The following STAU1 variants were observed in gnomAD, a reference collection of about 807,000 sequenced individuals.
STAU1 encodes staufen double-stranded RNA binding protein 1.
In STAU1, 13 loss-of-function variants were observed where a neutral mutation model predicts 62.9. The observed-to-expected ratio is 0.21, with a 90% CI of 0.13 to 0.33. The LOEUF is 0.33. Ranked by LOEUF, STAU1 falls within the 10% of genes least tolerant of loss-of-function variation. The pLI is 1.00. For missense variants in STAU1, 571 were observed against 712.1 expected, an observed-to-expected ratio of 0.80 and a Z score of 2.25; for synonymous variants, 269 against 265.1, an observed-to-expected ratio of 1.01 and a Z score of -0.14.
intron 3 of STAU1, among the ~76,000 whole-genome samples, chr20:49,157,547 T>C (rs945114155): frequency 1.3e-5 from 2 of 151,838 alleles, no homozygotes; most frequent in African/African-American, 4.8e-5. Flanking sequence ...TGGCATGATC[T>C]CAGCTCACTG....
At position 49,181,763 on chromosome 20, in the gene STAU1, C is replaced by CAAAAAAAAAAAAA. The variant is rs1309573018; in HGVS notation, c.-160+6352_-160+6353insTTTTTTTTTTTTT. The stretch of plus-strand genomic sequence containing the variant: ...CCTGGGCAACAGAGCAAGACTATCT[C>CAAAAAAAAAAAAA]AACAAAAAAAAAAAAAAAAAAAAAA... On this transcript the variant is annotated intron_variant, in intron 1 of 13. Coordinates refer to ENST00000371856, the MANE Select transcript of STAU1 (RefSeq NM_017453.4). Among the ~76,000 whole-genome samples the CAAAAAAAAAAAAA allele has an allele frequency of 7.5e-5, 5 of 66,708 alleles. 1 individual carries two copies. The highest frequency in any genetic ancestry group is 5.2e-4 in the East Asian group (1 of 1,908). 43.8% of individuals were successfully genotyped at this position (66,708 alleles called of 152,430 possible). A position where few individuals can be genotyped will look rare whatever the true frequency, so the allele number is the denominator to read the frequency against.
rs183949364 is a variant in STAU1, at chr20:49,144,647, C to T, written c.510+6935G>A. ...GAAAAATAGAAAAATTCTGGATTCT[C>T]ACCTGGGTTCAATGAAAGCAAAAAG... is the stretch of plus-strand genomic sequence containing the variant. On this transcript the variant is annotated intron_variant, in intron 5 of 13. Coordinates refer to ENST00000371856, the MANE Select transcript of STAU1 (RefSeq NM_017453.4). Among the ~76,000 whole-genome samples the T allele has an allele frequency of 2.0e-3, 302 of 152,276 alleles. 1 individual carries two copies. The highest frequency in any genetic ancestry group is 3.5e-3 in the Non-Finnish European group (239 of 68,020).
the STAU1 span, among the ~76,000 whole-genome samples, chr20:49,200,493 C>G: frequency 6.6e-6 from 1 of 151,830 alleles, no homozygotes; most frequent in Non-Finnish European, 1.5e-5. Context: ...CACAGCTACT[C>G]GGGAGGCTGA....
the STAU1 span, among the ~76,000 whole-genome samples, chr20:49,206,751 ATT>A: frequency 7.4e-4 from 70 of 95,030 alleles, 1 homozygote; most frequent in East Asian, 1.2e-3. Context: ...ATATATATAT[ATT>A]TTATTTTATT....
At chr20:49,158,503 G>T (rs935004621) in intron 3 of STAU1, 2 of 1,304,034 alleles carry the variant, frequency 1.5e-6, no homozygotes, top group Non-Finnish European at 2.0e-6. Flanking sequence ...TTCCACTAAA[G>T]GAAAAAAACA....
chr20:49,117,654 A>AG lies in STAU1; in HGVS notation c.1509+122dup, dbSNP rs1425343634. The AG allele has an allele frequency of 2.6e-5, 26 of 995,298 alleles. No individual in the cohort carries two copies. The highest frequency in any genetic ancestry group is 3.3e-5 in the Non-Finnish European group (23 of 693,020). The allele number at this position is 995,298 out of a possible 1,614,324, so 61.7% of individuals were successfully genotyped here. A position where few individuals can be genotyped will look rare whatever the true frequency, so the allele number is the denominator to read the frequency against. On this transcript the variant is annotated intron_variant, in intron 11 of 13. Coordinates refer to ENST00000371856, the MANE Select transcript of STAU1 (RefSeq NM_017453.4). The surrounding 1 kb of genome is among the most constrained non-coding windows in gnomAD (Gnocchi z 4.6). ...TCCTACCCTTCCATCACTGCTCCCC[A>AG]GCCCATCCCTGGACAGAACTTGATT...
In STAU1 at chr20:49,135,836, G is replaced by A. The variant is rs747107575; in HGVS notation, c.606C>T (p.Phe202=). 7 of 1,612,078 alleles carry A rather than the reference G, an allele frequency of 4.3e-6. No homozygotes were observed. The highest frequency in any genetic ancestry group is 2.2e-5 in the East Asian group (1 of 44,852). The change falls in exon 6 of 14, where the codon TTC becomes TTT. Residue 202 remains phenylalanine (F), a synonymous_variant. Transcript: ENST00000371856. ...IALKRNLPVN[F]EVARESGPPH... is the part of the protein sequence containing the mutation. ...CCTACATGTAAAATTAGCTTACCTC[G>A]AAATTCACAGGCAAGTTCCGTTTAA...
intron 6 of STAU1, among the ~76,000 whole-genome samples, chr20:49,133,028 T>G (rs1468442209): frequency 5.3e-5 from 8 of 152,184 alleles, no homozygotes; most frequent in Non-Finnish European, 1.2e-4. Flanking sequence ...ATATTTGAGT[T>G]AATGAATATA....
intron 1 of STAU1, among the ~76,000 whole-genome samples, chr20:49,181,052 G>A (rs2093718684): frequency 6.6e-6 from 1 of 152,168 alleles, no homozygotes. Flanking sequence ...CTCTGAGCCA[G>A]TTATCTGGCC....
rs562670417 is a variant in STAU1 at position 49,127,303 on chromosome 20, G to A, written c.610-2716C>T. 1.5e-3 allele frequency among the ~76,000 whole-genome samples: 228 copies of A among 152,228 alleles called. 1 individual carries two copies. The highest frequency in any genetic ancestry group is 4.9e-3 in the African/African-American group (205 of 41,526). On this transcript the variant is annotated intron_variant, in intron 6 of 13. Transcript: ENST00000371856. ...CAGGAGACGGAGGTTGCAGTGAGCT[G>A]AGATGGCACCACTGCACTCCAGCCT...
At chr20:49,174,005 T>C (rs2093629187) in intron 2 of STAU1, among the ~76,000 whole-genome samples, 190 bp downstream of exon 2, 2 of 152,246 alleles carry the variant, frequency 1.3e-5, no homozygotes, top group South Asian at 2.1e-4. Flanking sequence ...TTTACATTCT[T>C]GCCAATAACT....
chr20:49,116,669 C>A (rs1177109203), intron 12 of STAU1, among the ~76,000 whole-genome samples: 1 of 152,200 alleles, frequency 6.6e-6, no homozygotes, highest in East Asian at 1.9e-4. Context: ...CATGACATCC[C>A]ATCAAGTGAA....
At chr20:49,144,567 T>C (rs1381383660) in intron 5 of STAU1, among the ~76,000 whole-genome samples, 2 of 152,218 alleles carry the variant, frequency 1.3e-5, no homozygotes, top group Admixed American at 6.6e-5. Flanking sequence ...TTCTGATTTG[T>C]TAATCATCAG....
the STAU1 span, chr20:49,210,555 C>G: frequency 2.2e-6 from 1 of 454,028 alleles, no homozygotes; most frequent in Non-Finnish European, 4.4e-6. Flanking sequence ...CTAGAGCTGT[C>G]AAAAAGCACA....
intron 5 of STAU1, among the ~76,000 whole-genome samples, chr20:49,139,225 T>G (rs887512376): frequency 6.6e-6 from 1 of 152,178 alleles, no homozygotes; most frequent in African/African-American, 2.4e-5. Flanking sequence ...AAAAGAAACA[T>G]TAATATTAGA....
In STAU1 at chr20:49,114,148, A is replaced by G. The variant is rs1335455631; in HGVS notation, c.*730T>C. On this transcript the variant is annotated 3_prime_UTR_variant, in exon 14 of 14. Transcript: ENST00000371856. ...AATAAAAATGTCTAACCACATACACATGGATATGATCTTTGTCGGTTAGAT... is the reference window on the plus strand; with the variant it reads ...AATAAAAATGTCTAACCACATACACGTGGATATGATCTTTGTCGGTTAGAT... 1 of 152,606 alleles carries G rather than the reference A, an allele frequency of 6.6e-6. No individual in the cohort carries two copies. The highest frequency in any genetic ancestry group is 1.5e-5 in the Non-Finnish European group (1 of 68,058). The allele number at this position is 152,606 out of a possible 1,614,324, so 9.5% of individuals were successfully genotyped here. A position where few individuals can be genotyped will look rare whatever the true frequency, so the allele number is the denominator to read the frequency against.
chr20:49,126,462 G>A (rs1170966273), intron 6 of STAU1, among the ~76,000 whole-genome samples: 1 of 150,230 alleles, frequency 6.7e-6, no homozygotes, highest in African/African-American at 2.5e-5. Flanking sequence ...TAGCTATGTG[G>A]GAGGCTAAAA....
intron 5 of STAU1, among the ~76,000 whole-genome samples, chr20:49,142,015 G>A (rs1342918188): frequency 2.0e-5 from 3 of 152,042 alleles, no homozygotes; most frequent in African/African-American, 4.8e-5. Context: ...CTTGAGGCCT[G>A]GAGTTTGAGA....
At chr20:49,195,900 A>AAAAAAAAAAAAAAAAAG in the STAU1 span, among the ~76,000 whole-genome samples, 1 of 42,056 alleles carries the variant, frequency 2.4e-5, no homozygotes, top group Admixed American at 3.9e-4. Flanking sequence ...CTTCCTCTCA[A>AAAAAAAAAAAAAAAAAG]AAAAAAAAAA....
Sources: allele counts gnomAD v4.1 joint callset (sites outside exome capture counted in the v4.1 genomes callset), GRCh38; gene constraint gnomAD v4.1.1; non-coding constraint Gnocchi (gnomAD v3.1); transcripts MANE v1.5; gene names NCBI Gene and HGNC (gene_info 2026-07-23, HGNC 2026-07-21).